Variants in EPB41L1 observed in about 807,000 individuals in gnomAD.
The protein encoded by EPB41L1 is band 4.1-like protein 1.
In EPB41L1, 29 loss-of-function variants were observed where a neutral mutation model predicts 97.8. That is an observed-to-expected ratio of 0.30 (90% CI 0.22 to 0.40). EPB41L1 has a LOEUF of 0.40. Among genes scored for constraint, EPB41L1 ranks in the 10% least tolerant of loss-of-function variants. The pLI, the probability that EPB41L1 is intolerant of heterozygous loss-of-function variation, is 1.00. For synonymous variants in EPB41L1, 383 were observed against 459.2 expected, an observed-to-expected ratio of 0.83 and a Z score of 2.12; for missense variants, 812 against 1,162.3, an observed-to-expected ratio of 0.70 and a Z score of 4.38.
Position 36,212,108 on chromosome 20 carries a change from T to C in EPB41L1, c.2080-164T>C, listed in dbSNP as rs1232094635. ...GCTCTCCTCGCGGGCTATCTGTCTA[T>C]GATATCACACCACAACTCTTTTACC... is the stretch of plus-strand genomic sequence containing the variant. On this transcript the variant is annotated intron_variant, in intron 15 of 21. Coordinates refer to ENST00000338074, the MANE Select transcript of EPB41L1 (RefSeq NM_012156.2). This position sits in a 1 kb window ranked among gnomAD's most constrained non-coding sequence, Gnocchi z 4.8. Among the ~76,000 whole-genome samples, 1 of 152,202 alleles carries C rather than the reference T, an allele frequency of 6.6e-6. No homozygotes were observed. The highest frequency in any genetic ancestry group is 1.9e-4 in the East Asian group (1 of 5,198).
chr20:36,125,894 G>C (rs2058945715), intron 2 of EPB41L1, among the ~76,000 whole-genome samples: 1 of 152,078 alleles, frequency 6.6e-6, no homozygotes, highest in African/African-American at 2.4e-5. Flanking sequence ...TGGAAGTGTA[G>C]AAGAGGGAAC....
At chr20:36,188,635 CACACACAGAGAGAGAG>C (rs1278981269) in intron 9 of EPB41L1, 136 bp downstream of exon 9, 79 of 528,922 alleles carry the variant, frequency 1.5e-4, no homozygotes, top group South Asian at 7.2e-5. Flanking sequence ...CACACACACA[CACACACAGAGAGAGAG>C]AGAGAGAGAG....
chr20:36,096,266 A>AG (rs1277691442), intron 1 of EPB41L1, among the ~76,000 whole-genome samples: 1 of 152,134 alleles, frequency 6.6e-6, no homozygotes, highest in Non-Finnish European at 1.5e-5. Flanking sequence ...CCCACCTGGT[A>AG]GGTAGGAATT....
chr20:36,193,437 A>AC (rs772654845), intron 11 of EPB41L1, among the ~76,000 whole-genome samples: 9 of 152,118 alleles, frequency 5.9e-5, no homozygotes, highest in Non-Finnish European at 1.2e-4. Context: ...ATCTAGGCCA[A>AC]CCCCAAGGAT....
intron 7 of EPB41L1, among the ~76,000 whole-genome samples, chr20:36,186,641 G>T (rs1309399957): frequency 1.3e-5 from 2 of 152,166 alleles, no homozygotes; most frequent in East Asian, 3.8e-4. Flanking sequence ...TAGGAATAGG[G>T]AGTAGTGGCC....
At chr20:36,148,889 G>A (rs1269680768) in intron 2 of EPB41L1, 1 of 152,294 alleles carries the variant, frequency 6.6e-6, no homozygotes, top group African/African-American at 2.4e-5. Flanking sequence ...TAGAGGCAAG[G>A]ATGAGATGAG....
chr20:36,207,627 C>A lies in EPB41L1; in HGVS notation c.1669-1861C>A. 1.6e-6 allele frequency: 2 copies of A among 1,290,160 alleles called. No individual in the cohort carries two copies. The highest frequency in any genetic ancestry group is 2.0e-6 in the Non-Finnish European group (2 of 988,932). The allele number at this position is 1,290,160 out of a possible 1,614,324, so 79.9% of individuals were successfully genotyped here. A position where few individuals can be genotyped will look rare whatever the true frequency, so the allele number is the denominator to read the frequency against. On this transcript the variant is annotated intron_variant, in intron 14 of 21. Coordinates refer to ENST00000338074, the MANE Select transcript of EPB41L1 (RefSeq NM_012156.2). This position sits in a 1 kb window ranked among gnomAD's most constrained non-coding sequence, Gnocchi z 4.9. ...TCCAGCCCCCAGGGGACTTTGCCAG[C>A]CCCAAAGCCACACATTCCACAGTGA... is the stretch of plus-strand genomic sequence containing the variant.
rs1229628256 is a variant in EPB41L1, at chr20:36,207,346, C to G, written c.1669-2142C>G. 4 of 1,288,378 alleles carry G rather than the reference C, an allele frequency of 3.1e-6. No individual in the cohort carries two copies. Among genetic ancestry groups the G allele is most frequent in the East Asian group, 1.1e-4 (2 of 18,004 alleles). 79.8% of individuals were successfully genotyped at this position (1,288,378 alleles called of 1,614,324 possible). On this transcript the variant is annotated intron_variant, in intron 14 of 21. Transcript: ENST00000338074. The surrounding 1 kb of genome is among the most constrained non-coding windows in gnomAD (Gnocchi z 4.9). ...TGAAGAAGCTGAGGGGCGCATACCT[C>G]TGGGGTTTGGGTTCCCTTCAGGGAA...
At position 36,232,303 on chromosome 20, in the gene EPB41L1, C is replaced by A; in HGVS notation, c.*2963C>A. ...GCCATGTAGCATAGTGGAAAAAGTC[C>A]CTGAGGGCGGTTAGGAGTTCTGGGT... On this transcript the variant is annotated 3_prime_UTR_variant, in exon 22 of 22. Coordinates refer to ENST00000338074, the MANE Select transcript of EPB41L1 (RefSeq NM_012156.2). 1 of 286,994 alleles carries A rather than the reference C, an allele frequency of 3.5e-6. No individual in the cohort carries two copies. The allele number at this position is 286,994 out of a possible 1,614,324, so 17.8% of individuals were successfully genotyped here.
At chr20:36,169,498 CCCA>C (rs76506965) in intron 1 of EPB41L1, among the ~76,000 whole-genome samples, 57,240 of 151,670 alleles carry the variant, frequency 0.38, 14,247 homozygotes, top group African/African-American at 0.72. Context: ...GCTTCTGACT[CCCA>C]GCAAGGCTCC....
intron 5 of EPB41L1, 113 bp from the exon 6 acceptor site, chr20:36,182,159 T>C (rs538225234): frequency 1.1e-6 from 1 of 901,842 alleles, no homozygotes; most frequent in African/African-American, 1.6e-5. Flanking sequence ...CTGATTGGAT[T>C]GTCCTGAGAT....
intron 15 of EPB41L1, 128 bp downstream of exon 15, chr20:36,210,026 C>G: frequency 8.8e-7 from 1 of 1,141,954 alleles, no homozygotes; most frequent in Non-Finnish European, 1.3e-6. Flanking sequence ...GCATGACTGC[C>G]CCTCCGCAGA....
chr20:36,198,328 A>G (rs976140431), intron 14 of EPB41L1, among the ~76,000 whole-genome samples: 4 of 152,228 alleles, frequency 2.6e-5, no homozygotes, highest in African/African-American at 9.6e-5. Context: ...GGTGCTGGTT[A>G]GAAATGCAGG....
At position 36,207,169 on chromosome 20, in the gene EPB41L1, C is replaced by G; in HGVS notation, c.1669-2319C>G. 2 of 1,288,752 alleles carry G rather than the reference C, an allele frequency of 1.6e-6. No individual in the cohort carries two copies. Among genetic ancestry groups the G allele is most frequent in the South Asian group, 2.5e-5 (2 of 80,972 alleles). 79.8% of individuals were successfully genotyped at this position (1,288,752 alleles called of 1,614,324 possible). A position where few individuals can be genotyped will look rare whatever the true frequency, so the allele number is the denominator to read the frequency against. On this transcript the variant is annotated intron_variant, in intron 14 of 21. Coordinates refer to ENST00000338074, the MANE Select transcript of EPB41L1 (RefSeq NM_012156.2). The surrounding 1 kb of genome is among the most constrained non-coding windows in gnomAD (Gnocchi z 4.9). ...CCCAACCTCCCATGGGTCAGGGGAGCCTTCGGAGCTCAGGGAGCCCTTTCT... is the reference window on the plus strand; with the variant it reads ...CCCAACCTCCCATGGGTCAGGGGAGGCTTCGGAGCTCAGGGAGCCCTTTCT...
At chr20:36,150,599 G>T (rs1411919337), upstream of EPB41L1, 1 of 152,120 alleles carries the variant, frequency 6.6e-6, no homozygotes, top group African/African-American at 2.4e-5. Flanking sequence ...TTATTAGCTG[G>T]ATGAACTTTG....
intron 21 of EPB41L1, among the ~76,000 whole-genome samples, chr20:36,225,691 T>C (rs780369950): frequency 7.2e-5 from 11 of 151,888 alleles, no homozygotes; most frequent in Non-Finnish European, 1.3e-4. Context: ...TTTCCTGGGG[T>C]ATCTGTTGTG....
At chr20:36,211,683 G>A (rs1274578580) in intron 15 of EPB41L1, among the ~76,000 whole-genome samples, 12 of 152,174 alleles carry the variant, frequency 7.9e-5, no homozygotes, top group East Asian at 5.8e-4. Flanking sequence ...GTGAAACCCC[G>A]TCTCTACTAA....
chr20:36,226,364 G>T (rs907983067), intron 21 of EPB41L1, among the ~76,000 whole-genome samples: 5 of 152,186 alleles, frequency 3.3e-5, no homozygotes, highest in African/African-American at 9.7e-5. Context: ...TATAATTTAT[G>T]GAAAGCTTAC....
At chr20:36,187,887 TCA>T in intron 8 of EPB41L1, 124 bp downstream of exon 8, 1 of 791,570 alleles carries the variant, frequency 1.3e-6, no homozygotes. Flanking sequence ...TTTTCTGTTC[TCA>T]TTCTCATTTC....
Sources: gnomAD v4.1 joint callset for allele counts (sites outside exome capture counted in the v4.1 genomes callset) on GRCh38, gnomAD v4.1.1 for gene constraint, Gnocchi (gnomAD v3.1) non-coding constraint, MANE v1.5 for transcripts, NCBI Gene and HGNC (gene_info 2026-07-23, HGNC 2026-07-21) for gene names.